The following PTPRR variants were observed in gnomAD, a reference collection of about 807,000 sequenced individuals.
PTPRR encodes protein tyrosine phosphatase receptor type R.
In PTPRR, 38 loss-of-function variants were observed where a neutral mutation model predicts 77.2. The ratio of observed to expected loss-of-function variants is 0.49; its 90% CI spans 0.38 to 0.65. The LOEUF (loss-of-function observed/expected upper bound fraction) is 0.65. Ranked by LOEUF, PTPRR falls within the 30% of genes least tolerant of loss-of-function variation. The probability of loss-of-function intolerance (pLI) is 0.00; values close to 1 mark genes in which losing one functional copy is unlikely to be tolerated. For synonymous variants in PTPRR, 299 were observed against 283.1 expected, an observed-to-expected ratio of 1.06 and a Z score of -0.57; for missense variants, 744 against 799.2, an observed-to-expected ratio of 0.93 and a Z score of 0.83.
Position 70,745,852 on chromosome 12 carries a change from G to C in PTPRR, c.973C>G (p.Pro325Ala), listed in dbSNP as rs140514774. 1 of 1,614,106 alleles carries C rather than the reference G, an allele frequency of 6.2e-7. No individual in the cohort carries two copies. The change falls in exon 6 of 14, where the codon CCT becomes GCT. Residue 325 changes from proline to alanine, a missense_variant. Pro to Ala is a conservative substitution (Grantham distance 27, BLOSUM62 -1). Transcript: ENST00000283228. ...ATTATSVCPS[P>A]FKMKPIGLQE... ...AGTCCTATGGGCTTCATTTTGAAAG[G>C]AGAAGGGCAAACAGAGGTAGCGGTG...
Position 70,724,501 on chromosome 12 carries a change from G to A in PTPRR, c.1007+21317C>T, listed in dbSNP as rs557394375. 2.3e-4 allele frequency among the ~76,000 whole-genome samples: 35 copies of A among 152,274 alleles called. 3 individuals carry two copies. The South Asian group carries it at 7.3e-3, about 32-fold the overall frequency. ...AAATGCAACAGTGTAACTCTTAACT[G>A]GTATTATTAATGTTTTTTATTACTA... On this transcript the variant is annotated intron_variant, in intron 6 of 13. Coordinates refer to ENST00000283228, the MANE Select transcript of PTPRR (RefSeq NM_002849.4).
chr12:70,750,193 T>C (rs1462353143), intron 5 of PTPRR, among the ~76,000 whole-genome samples: 2 of 152,174 alleles, frequency 1.3e-5, no homozygotes, highest in East Asian at 3.9e-4. Flanking sequence ...AATATGCCAC[T>C]TTTCAAAAAT....
At chr12:70,843,808 ATT>A (rs201003875) in intron 2 of PTPRR, among the ~76,000 whole-genome samples, 35 of 124,642 alleles carry the variant, frequency 2.8e-4, no homozygotes, top group East Asian at 4.7e-4. Flanking sequence ...GTTGCTGAAA[ATT>A]TTTTTTTTTT....
intron 2 of PTPRR, among the ~76,000 whole-genome samples, chr12:70,841,324 T>C (rs1303418856): frequency 6.6e-6 from 1 of 152,172 alleles, no homozygotes; most frequent in Non-Finnish European, 1.5e-5. Flanking sequence ...AATTTATCAG[T>C]GTAGTGTGGG....
At chr12:70,860,537 C>T (rs1366140576) in intron 2 of PTPRR, among the ~76,000 whole-genome samples, 1 of 152,076 alleles carries the variant, frequency 6.6e-6, no homozygotes, top group Non-Finnish European at 1.5e-5. Context: ...GCTAGGTGCT[C>T]CATGTCCTGT....
At chr12:70,707,733 T>G (rs1470682825) in intron 6 of PTPRR, among the ~76,000 whole-genome samples, 3 of 152,054 alleles carry the variant, frequency 2.0e-5, no homozygotes, top group Non-Finnish European at 4.4e-5. Flanking sequence ...GACAGACTCT[T>G]GGAGCTCGCT....
At chr12:70,726,378 T>C (rs1177985581) in intron 6 of PTPRR, among the ~76,000 whole-genome samples, 2 of 152,064 alleles carry the variant, frequency 1.3e-5, no homozygotes, top group East Asian at 3.9e-4. Context: ...ACACCTCTCA[T>C]GGCCAATTGG....
chr12:70,844,914 C>G (rs573028028), intron 2 of PTPRR, among the ~76,000 whole-genome samples: 3 of 151,730 alleles, frequency 2.0e-5, no homozygotes, highest in Admixed American at 2.0e-4. Flanking sequence ...AGGGTAAGAC[C>G]AAAACAACAA....
At chr12:70,743,271 T>C (rs1261998660) in intron 6 of PTPRR, among the ~76,000 whole-genome samples, 1 of 152,074 alleles carries the variant, frequency 6.6e-6, no homozygotes, top group Non-Finnish European at 1.5e-5. Flanking sequence ...AGATGGGAAA[T>C]GAAACATGTG....
chr12:70,763,412 G>A (rs766394382), intron 3 of PTPRR, among the ~76,000 whole-genome samples: 4 of 152,280 alleles, frequency 2.6e-5, no homozygotes, highest in East Asian at 1.9e-4. Context: ...GATTACAGGC[G>A]TGAGCCACCG....
intron 6 of PTPRR, among the ~76,000 whole-genome samples, chr12:70,721,764 C>T (rs1053644759): frequency 1.3e-5 from 2 of 152,018 alleles, no homozygotes; most frequent in Non-Finnish European, 2.9e-5. Context: ...TGGAAGATAC[C>T]GTAGTGAACA....
intron 6 of PTPRR, among the ~76,000 whole-genome samples, chr12:70,706,859 C>T (rs1888637951): frequency 6.6e-6 from 1 of 152,044 alleles, no homozygotes; most frequent in Non-Finnish European, 1.5e-5. Flanking sequence ...AATAATAAAA[C>T]TCACAAAATT....
At chr12:70,789,951 C>G (rs1891394562) in intron 2 of PTPRR, among the ~76,000 whole-genome samples, 1 of 152,004 alleles carries the variant, frequency 6.6e-6, no homozygotes, top group Admixed American at 6.6e-5. Flanking sequence ...ATTTTCTTTG[C>G]AACATAATAG....
At chr12:70,812,111 A>C (rs1450123760) in intron 2 of PTPRR, among the ~76,000 whole-genome samples, 1 of 152,204 alleles carries the variant, frequency 6.6e-6, no homozygotes, top group Admixed American at 6.5e-5. Flanking sequence ...CTGCTTTTCT[A>C]TCAGTTGATC....
chr12:70,920,322 C>CA lies in PTPRR; in HGVS notation c.58+10dup. On this transcript the variant is annotated intron_variant, in intron 1 of 13. Coordinates refer to ENST00000283228, the MANE Select transcript of PTPRR (RefSeq NM_002849.4). ...TGCACAGCTCCGGCTCTAAGCCTGG[C>CA]AACCCCTTACCTGCAGCGTGAAGAT... 3.1e-6 allele frequency: 5 copies of CA among 1,612,428 alleles called. No homozygotes were observed. Among genetic ancestry groups the CA allele is most frequent in the Non-Finnish European group, 4.2e-6 (5 of 1,178,820 alleles).
Position 70,920,413 on chromosome 12 carries a change from G to A in PTPRR, c.-23C>T. On this transcript the variant is annotated 5_prime_UTR_variant, in exon 1 of 14. Transcript: ENST00000283228. Reference sequence around the variant, plus strand: ...CATAGTGTTTGCATTGAGAGGTGGAGGAGAAACTCCACCACGACCCCACTT... The same window carrying A: ...CATAGTGTTTGCATTGAGAGGTGGAAGAGAAACTCCACCACGACCCCACTT... 1 of 1,608,636 alleles carries A rather than the reference G, an allele frequency of 6.2e-7. No individual in the cohort carries two copies. Among genetic ancestry groups the A allele is most frequent in the Non-Finnish European group, 8.5e-7 (1 of 1,176,740 alleles).
intron 6 of PTPRR, among the ~76,000 whole-genome samples, chr12:70,739,227 C>T (rs567673956): frequency 1.3e-5 from 2 of 152,086 alleles, no homozygotes; most frequent in African/African-American, 2.4e-5. Flanking sequence ...AATCAGAGAA[C>T]AAAAACAAAA....
At chr12:70,729,028 A>G (rs545838620) in intron 6 of PTPRR, among the ~76,000 whole-genome samples, 64 of 152,262 alleles carry the variant, frequency 4.2e-4, no homozygotes, top group African/African-American at 1.5e-3. Flanking sequence ...CTGCTTTCAC[A>G]TCAGAGGCTC....
intron 2 of PTPRR, among the ~76,000 whole-genome samples, chr12:70,843,946 G>A (rs1197005726): frequency 6.6e-6 from 1 of 151,244 alleles, no homozygotes; most frequent in Non-Finnish European, 1.5e-5. Flanking sequence ...CTCCCGAGTA[G>A]CTGGGTTTAC....
Sources: allele counts gnomAD v4.1 joint callset (sites outside exome capture counted in the v4.1 genomes callset), GRCh38; gene constraint gnomAD v4.1.1; transcripts MANE v1.5; gene names NCBI Gene and HGNC (gene_info 2026-07-23, HGNC 2026-07-21).